SDK1: variants seen among roughly 807,000 people sequenced by gnomAD.
SDK1 encodes protein sidekick-1.
Under a neutral mutation model 245.5 loss-of-function variants are expected in SDK1, and 157 were observed. That is an observed-to-expected ratio of 0.64 (90% confidence interval 0.56 to 0.73). The LOEUF is 0.73. SDK1 is among the 30% of genes least tolerant of loss of function. SDK1 has a pLI of 0.00. For missense variants in SDK1, 3,583 were observed against 3,002.3 expected (o/e 1.19, Z -4.52); for synonymous variants, 1,647 against 1,278.5 (o/e 1.29, Z -6.15).
rs1162196380 is a variant in SDK1, at chr7:3,405,254, G to C, written c.298+103370G>C. Reference sequence around the variant, plus strand: ...GTGTGGCATATTGGTGGCTGTATGAGTACTCTGGTATTATAGGAGTTGAAG... The same window carrying C: ...GTGTGGCATATTGGTGGCTGTATGACTACTCTGGTATTATAGGAGTTGAAG... On this transcript the variant is annotated intron_variant, in intron 1 of 44. Transcript: ENST00000404826. Among the ~76,000 whole-genome samples the C allele has an allele frequency of 3.3e-5, 5 of 152,076 alleles. No homozygotes were observed. The East Asian group carries it at 5.8e-4, about 18-fold the overall frequency.
At chr7:3,860,339 A>C (rs1483592336) in intron 5 of SDK1, among the ~76,000 whole-genome samples, 1 of 152,220 alleles carries the variant, frequency 6.6e-6, no homozygotes, top group Non-Finnish European at 1.5e-5. Context: ...AAGACAATGA[A>C]AAAAAGATGG....
intron 1 of SDK1, among the ~76,000 whole-genome samples, chr7:3,609,503 C>T (rs1411147806): frequency 4.6e-5 from 7 of 152,056 alleles, no homozygotes; most frequent in African/African-American, 1.4e-4. Flanking sequence ...CGGTTTCAAA[C>T]GATTCTCCTG....
intron 1 of SDK1, among the ~76,000 whole-genome samples, chr7:3,556,632 C>G (rs1016885872): frequency 6.6e-6 from 1 of 151,660 alleles, no homozygotes; most frequent in South Asian, 2.1e-4. Context: ...ACCAGTCTGG[C>G]GAACCTGGTG....
At chr7:3,939,881 G>C (rs1780291989) in intron 5 of SDK1, among the ~76,000 whole-genome samples, 1 of 152,156 alleles carries the variant, frequency 6.6e-6, no homozygotes, top group Admixed American at 6.5e-5. Context: ...TCTTCACGTA[G>C]TCCCAAAGGC....
Position 4,265,286 on chromosome 7 carries a change from C to G in SDK1, c.6544C>G (p.Leu2182Val). The G allele has an allele frequency of 1.3e-6, 2 of 1,585,310 alleles. No individual in the cohort carries two copies. Among genetic ancestry groups the G allele is most frequent in the Admixed American group, 1.7e-5 (1 of 58,088 alleles). Residue 2182 changes from leucine (L) to valine (V), a missense_variant, in exon 45 of 45, where the codon CTG becomes GTG. Leu to Val is a conservative substitution (Grantham distance 32). Transcript: ENST00000404826. Reference protein sequence around the residue: ...AVAGSEAGAQLHPVITTQSAG... With the variant: ...AVAGSEAGAQVHPVITTQSAG... ...GGCGGGCTCCGAGGCGGGCGCGCAG[C>G]TGCACCCGGTCATCACCACGCAGAG...
At chr7:4,227,404 G>C (rs758056392) in intron 40 of SDK1, 2 of 471,252 alleles carry the variant, frequency 4.2e-6, no homozygotes, top group South Asian at 3.1e-5. Context: ...CTCCTGCCTT[G>C]AATGAGGATC....
At chr7:3,651,163 T>G (rs756391203) in intron 4 of SDK1, among the ~76,000 whole-genome samples, 1 of 151,968 alleles carries the variant, frequency 6.6e-6, no homozygotes, top group East Asian at 1.9e-4. Flanking sequence ...CAAACTGTTT[T>G]CCAGAGTGGC....
chr7:3,525,094 C>G (rs1024210419), intron 1 of SDK1, among the ~76,000 whole-genome samples: 15 of 151,886 alleles, frequency 9.9e-5, no homozygotes, highest in African/African-American at 3.4e-4. Context: ...TATAAGTAAC[C>G]CAGTGATGAT....
rs1409639867 is a variant in SDK1 at position 4,010,342 on chromosome 7, A to G, written c.2132-624A>G. 2.0e-5 allele frequency among the ~76,000 whole-genome samples: 3 copies of G among 152,182 alleles called. No individual in the cohort carries two copies. In the East Asian group the frequency reaches 5.8e-4, roughly 29 times the overall value. On this transcript the variant is annotated intron_variant, in intron 14 of 44. Transcript: ENST00000404826. ...AACCTTCGGAAGCCTTGCCGGCAAG[A>G]GTGCATTTGGCTGGCAGAGTCCCTC...
At chr7:4,011,593 C>G (rs545877012) in intron 15 of SDK1, among the ~76,000 whole-genome samples, 1 of 152,328 alleles carries the variant, frequency 6.6e-6, no homozygotes, top group South Asian at 2.1e-4. Flanking sequence ...AAATCTCATT[C>G]GGAGGTGACA....
intron 22 of SDK1, among the ~76,000 whole-genome samples, chr7:4,085,982 C>T (rs1044783558): frequency 1.3e-5 from 2 of 152,228 alleles, no homozygotes; most frequent in Non-Finnish European, 2.9e-5. Context: ...TCATTTGTCT[C>T]CTTACCCTGT....
At chr7:3,624,008 TA>T (rs1782029989) in intron 2 of SDK1, among the ~76,000 whole-genome samples, 1 of 152,124 alleles carries the variant, frequency 6.6e-6, no homozygotes, top group Non-Finnish European at 1.5e-5. Context: ...ACAGTATCAA[TA>T]AAAATTATGA....
chr7:4,212,016 A>G (rs1784539388), intron 38 of SDK1, among the ~76,000 whole-genome samples: 2 of 152,138 alleles, frequency 1.3e-5, no homozygotes, highest in Non-Finnish European at 2.9e-5. Flanking sequence ...TTCCCACCAC[A>G]CTGGGGTGAA....
At position 3,912,731 on chromosome 7, in the gene SDK1, C is replaced by T. The variant is rs150455627; in HGVS notation, c.848-38192C>T. On this transcript the variant is annotated intron_variant, in intron 5 of 44. Coordinates refer to ENST00000404826, the MANE Select transcript of SDK1 (RefSeq NM_152744.4). ...CTCCTCTGGCAGAGACCGGCACGGT[C>T]TGGCCCGTGGGGGCTCAAGACAGTT... Among the ~76,000 whole-genome samples the T allele has an allele frequency of 4.0e-3, 615 of 152,366 alleles. 2 individuals are homozygous for T. Among genetic ancestry groups the T allele is most frequent in the African/African-American group, 0.014 (575 of 41,586 alleles).
At chr7:3,743,136 G>C (rs1024987586) in intron 4 of SDK1, among the ~76,000 whole-genome samples, 1 of 152,166 alleles carries the variant, frequency 6.6e-6, no homozygotes, top group Non-Finnish European at 1.5e-5. Context: ...GAATGGGAGA[G>C]TAATACGTAA....
At chr7:4,247,347 C>T (rs756579438) in intron 44 of SDK1, among the ~76,000 whole-genome samples, 9 of 152,156 alleles carry the variant, frequency 5.9e-5, no homozygotes, top group African/African-American at 9.7e-5. Context: ...GTTTGCTGTC[C>T]GCACCATAGC....
intron 5 of SDK1, among the ~76,000 whole-genome samples, chr7:3,861,407 C>T (rs372602445): frequency 6.6e-6 from 1 of 152,082 alleles, no homozygotes. Flanking sequence ...TGTTTTGGTG[C>T]TTGTAGGAGG....
intron 30 of SDK1, among the ~76,000 whole-genome samples, chr7:4,156,356 G>A (rs619672): frequency 0.34 from 51,137 of 152,164 alleles, 11,638 homozygotes; most frequent in African/African-American, 0.65. Flanking sequence ...AGCAAAGGCT[G>A]TCTACCAGAA....
chr7:3,881,557 T>A (rs2128099567), intron 5 of SDK1, among the ~76,000 whole-genome samples: 2 of 152,368 alleles, frequency 1.3e-5, no homozygotes, highest in South Asian at 4.1e-4. Flanking sequence ...AGTGCTGCAA[T>A]GAACATATGC....
Sources: allele counts gnomAD v4.1 joint callset (sites outside exome capture counted in the v4.1 genomes callset), GRCh38; gene constraint gnomAD v4.1.1; transcripts MANE v1.5; gene names NCBI Gene and HGNC (gene_info 2026-07-23, HGNC 2026-07-21).